DDX60L: variants seen among roughly 807,000 people sequenced by gnomAD.
DDX60L encodes probable ATP-dependent RNA helicase DDX60-like.
DDX60L carries 191 observed loss-of-function variants against 211.6 expected under a neutral mutation model. The observed-to-expected ratio is 0.90, with a 90% CI of 0.80 to 1.02. The LOEUF (loss-of-function observed/expected upper bound fraction) is 1.02, where lower values mean the gene tolerates loss of function less well. DDX60L is among the 50% of genes least tolerant of loss of function. The pLI, the probability that DDX60L is intolerant of heterozygous loss-of-function variation, is 0.00. For synonymous variants in DDX60L, 706 were observed against 694.1 expected (o/e 1.02, Z -0.27); for missense variants, 2,007 against 1,984.1 (o/e 1.01, Z -0.22).
chr4:168,379,913 A>T, intron 30 of DDX60L, 83 bp from the exon 31 acceptor site: 1 of 863,030 alleles, frequency 1.2e-6, no homozygotes, highest in Non-Finnish European at 1.8e-6. Context: ...ACACATACAT[A>T]CTATATAGAT....
chr4:168,364,222 T>C (rs1739577436), intron 36 of DDX60L, among the ~76,000 whole-genome samples: 1 of 151,968 alleles, frequency 6.6e-6, no homozygotes, highest in African/African-American at 2.4e-5. Flanking sequence ...GACAAAGATA[T>C]CCCATGCAAA....
chr4:168,441,249 A>C, intron 10 of DDX60L, 88 bp downstream of exon 10: 1 of 1,281,258 alleles, frequency 7.8e-7, no homozygotes. Flanking sequence ...AAAATTATTT[A>C]CACTTGGAAG....
chr4:168,474,558 G>A (rs1759232944), intron 1 of DDX60L, among the ~76,000 whole-genome samples: 1 of 152,008 alleles, frequency 6.6e-6, no homozygotes, highest in African/African-American at 2.4e-5. Context: ...TATGAAATAG[G>A]AGCTTGCATG....
At chr4:168,416,034 G>C (rs557255063) in intron 20 of DDX60L, among the ~76,000 whole-genome samples, 67 of 152,266 alleles carry the variant, frequency 4.4e-4, no homozygotes, top group African/African-American at 1.4e-3. Flanking sequence ...TCTCATAAGG[G>C]TGTTGCGTGG....
intron 22 of DDX60L, among the ~76,000 whole-genome samples, chr4:168,410,861 C>A (rs1435207345): frequency 6.6e-6 from 1 of 152,100 alleles, no homozygotes; most frequent in Non-Finnish European, 1.5e-5. Context: ...ATGAGGACTG[C>A]CAATACAGTT....
At chr4:168,419,691 G>A (rs970137207) in intron 18 of DDX60L, among the ~76,000 whole-genome samples, 4 of 152,102 alleles carry the variant, frequency 2.6e-5, no homozygotes, top group African/African-American at 4.8e-5. Context: ...ACCTATCGAC[G>A]GGTCCACTAT....
rs1169020996 is a variant in DDX60L, at chr4:168,443,488, C to A, written c.1139-1996G>T. ...ATCCAGGAGAACTTCTCCAATCTAG[C>A]AAGGCAGGCCAACGTTCAGATTCAG... On this transcript the variant is annotated intron_variant, in intron 9 of 37. Transcript: ENST00000682922. 2.0e-5 allele frequency among the ~76,000 whole-genome samples: 3 copies of A among 151,760 alleles called. No homozygotes were observed. In the East Asian group the frequency reaches 5.8e-4, roughly 29 times the overall value.
At chr4:168,368,425 A>G (rs1579185666) in intron 36 of DDX60L, among the ~76,000 whole-genome samples, 1 of 152,250 alleles carries the variant, frequency 6.6e-6, no homozygotes, top group African/African-American at 2.4e-5. Flanking sequence ...AGATTTCAGA[A>G]GATGTATGGA....
chr4:168,375,257 G>T, intron 34 of DDX60L, 120 bp downstream of exon 34: 1 of 1,057,302 alleles, frequency 9.5e-7, no homozygotes, highest in Non-Finnish European at 1.4e-6. Context: ...ACTTGGGTTA[G>T]TACAGCTGCC....
Position 168,441,390 on chromosome 4 carries a change from G to A in DDX60L, c.1241C>T (p.Pro414Leu). The change falls in exon 10 of 38, where the codon CCT becomes CTT. Residue 414 changes from proline to leucine, a missense_variant. Transcript: ENST00000682922. The stretch of plus-strand genomic sequence containing the variant: ...AAAATGTCTTCTTGTTGTTCTCAGA[G>A]GAAAAGACTTTCCAACGTTAAATTC... ...VKEFNVGKSFPLRTTRRHFLR... is the reference protein window; with the variant it reads ...VKEFNVGKSFLLRTTRRHFLR... 6.2e-7 allele frequency: 1 copy of A among 1,612,466 alleles called. No individual in the cohort carries two copies. The highest frequency in any genetic ancestry group is 8.5e-7 in the Non-Finnish European group (1 of 1,179,234).
At chr4:168,443,048 A>T (rs1285220294) in intron 9 of DDX60L, among the ~76,000 whole-genome samples, 4 of 152,224 alleles carry the variant, frequency 2.6e-5, no homozygotes, top group African/African-American at 9.6e-5. Context: ...ATGAGCTGAG[A>T]GAAGAAGGCT....
chr4:168,388,768 G>A (rs1467496734), intron 29 of DDX60L, among the ~76,000 whole-genome samples: 1 of 152,156 alleles, frequency 6.6e-6, no homozygotes, highest in Non-Finnish European at 1.5e-5. Flanking sequence ...GGCAAGACTT[G>A]AGCCAGGCCA....
chr4:168,458,834 G>A (rs535706641), intron 5 of DDX60L, among the ~76,000 whole-genome samples: 1 of 152,254 alleles, frequency 6.6e-6, no homozygotes, highest in Admixed American at 6.5e-5. Flanking sequence ...TTTTTAGTGA[G>A]ACATTTGAAT....
At chr4:168,388,485 A>G (rs559820558) in intron 29 of DDX60L, among the ~76,000 whole-genome samples, 1 of 152,368 alleles carries the variant, frequency 6.6e-6, no homozygotes, top group Admixed American at 6.5e-5. Flanking sequence ...GCTGGCATTC[A>G]TTGAGCACTT....
chr4:168,374,149 G>A (rs77318089), intron 34 of DDX60L, among the ~76,000 whole-genome samples: 28,894 of 151,410 alleles, frequency 0.19, 2,990 homozygotes, highest in African/African-American at 0.26. Flanking sequence ...TCTGTCCAGC[G>A]AGTACCATCT....
intron 14 of DDX60L, 110 bp from the exon 15 acceptor site, chr4:168,423,884 A>C: frequency 1.6e-6 from 1 of 639,556 alleles, no homozygotes; most frequent in Non-Finnish European, 2.5e-6. Context: ...AAACCTCACT[A>C]TTTTACTTGA....
Position 168,448,718 on chromosome 4 carries a change from T to G in DDX60L, c.1058A>C (p.Asn353Thr). Residue 353 changes from asparagine (N) to threonine (T), a missense_variant, in exon 9 of 38, where the codon AAT (asparagine) becomes ACT (threonine). Transcript: ENST00000682922. The stretch of plus-strand genomic sequence containing the variant: ...ATACAAGTCAGAAACATGATTTAAA[T>G]TCAGATTCCAGCATCCAAAAACGTT... ...NLNVFGCWNLNLNHVSDLYDE... is the reference protein window; with the variant it reads ...NLNVFGCWNLTLNHVSDLYDE... 4 of 1,606,684 alleles carry G rather than the reference T, an allele frequency of 2.5e-6. No homozygotes were observed. The highest frequency in any genetic ancestry group is 3.4e-6 in the Non-Finnish European group (4 of 1,174,348).
At chr4:168,401,473 G>T (rs1420363813) in intron 25 of DDX60L, among the ~76,000 whole-genome samples, 2 of 152,186 alleles carry the variant, frequency 1.3e-5, no homozygotes, top group Non-Finnish European at 2.9e-5. Context: ...TCCCTAAAAT[G>T]TATAAAACCA....
chr4:168,426,142 T>A (rs367568606), intron 14 of DDX60L, among the ~76,000 whole-genome samples: 1 of 152,174 alleles, frequency 6.6e-6, no homozygotes. Context: ...TATTCCCCCA[T>A]AGCTATGGCT....
Sources: gnomAD v4.1 joint callset for allele counts (sites outside exome capture counted in the v4.1 genomes callset) on GRCh38, gnomAD v4.1.1 for gene constraint, MANE v1.5 for transcripts, NCBI Gene and HGNC (gene_info 2026-07-23, HGNC 2026-07-21) for gene names.